The following TBC1D15 variants were observed in gnomAD, a reference collection of about 807,000 sequenced individuals.
The protein encoded by TBC1D15 is GAP for RAB7.
In TBC1D15, 39 loss-of-function variants were observed where a neutral mutation model predicts 95.4. The observed-to-expected ratio is 0.41, with a 90% CI of 0.32 to 0.53. The LOEUF is 0.53. Among genes scored for constraint, TBC1D15 ranks in the 20% least tolerant of loss-of-function variants. The pLI is 0.29. For synonymous variants in TBC1D15, 258 were observed against 261.3 expected, an observed-to-expected ratio of 0.99 and a Z score of 0.12; for missense variants, 733 against 794.3, an observed-to-expected ratio of 0.92 and a Z score of 0.93.
At chr12:71,874,733 A>G (rs1384082729) in intron 3 of TBC1D15, among the ~76,000 whole-genome samples, 2 of 145,980 alleles carry the variant, frequency 1.4e-5, no homozygotes, top group African/African-American at 5.1e-5. Context: ...AACAATTCTC[A>G]TGCCTCAGCC....
chr12:71,921,231 G>A (rs1036401517), intron 15 of TBC1D15, 137 bp from the exon 16 acceptor site: 4 of 434,132 alleles, frequency 9.2e-6, no homozygotes, highest in East Asian at 3.5e-5. Context: ...AATTTCTTAC[G>A]TATTTGTAGT....
At chr12:71,901,145 C>T (rs983308218) in intron 10 of TBC1D15, among the ~76,000 whole-genome samples, 1 of 152,112 alleles carries the variant, frequency 6.6e-6, no homozygotes, top group Admixed American at 6.5e-5. Flanking sequence ...CTCAGCCTCC[C>T]AAGTAGCTGG....
chr12:71,852,729 T>TGCTAAGACATAGCAAAAGTGACTTTTA (rs1888131935), intron 1 of TBC1D15, among the ~76,000 whole-genome samples: 2 of 152,188 alleles, frequency 1.3e-5, no homozygotes, highest in Non-Finnish European at 2.9e-5. Flanking sequence ...CCAGGCTGTT[T>TGCTAAGACATAGCAAAAGTGACTTTTA]GCTAAGACAT....
chr12:71,923,245 AC>A lies in TBC1D15; in HGVS notation c.*44del. On this transcript the variant is annotated 3_prime_UTR_variant, in exon 17 of 17. Coordinates refer to ENST00000485960, the MANE Select transcript of TBC1D15 (RefSeq NM_001146213.3). Reference sequence around the variant, plus strand: ...TTTTGGGAAGAGACACTTTGTTGCAACCCTTTTTCAAGTACTTGAAAGTTGA... The same window carrying A: ...TTTTGGGAAGAGACACTTTGTTGCAACCTTTTTCAAGTACTTGAAAGTTGA... 1.3e-6 allele frequency: 2 copies of A among 1,593,108 alleles called. No homozygotes were observed. The highest frequency in any genetic ancestry group is 1.7e-6 in the Non-Finnish European group (2 of 1,163,520).
chr12:71,896,832 A>G (rs771139316), intron 9 of TBC1D15, 52 bp downstream of exon 9: 5 of 1,427,300 alleles, frequency 3.5e-6, no homozygotes, highest in Non-Finnish European at 3.9e-6. Context: ...TAACCCACTC[A>G]TACAAATTAG....
At chr12:71,900,726 CAT>C (rs1899190205) in intron 10 of TBC1D15, among the ~76,000 whole-genome samples, 1 of 152,018 alleles carries the variant, frequency 6.6e-6, no homozygotes, top group Non-Finnish European at 1.5e-5. Context: ...AAGTAAGTAA[CAT>C]ATGTGGTATG....
chr12:71,876,960 G>A (rs1311983885), intron 3 of TBC1D15, among the ~76,000 whole-genome samples: 1 of 151,658 alleles, frequency 6.6e-6, no homozygotes, highest in East Asian at 1.9e-4. Context: ...ACAGGTGTGC[G>A]CCACCACACC....
In TBC1D15 at chr12:71,893,227, C is replaced by T; in HGVS notation, c.560C>T (p.Pro187Leu). 3.1e-6 allele frequency: 5 copies of T among 1,595,814 alleles called. No individual in the cohort carries two copies. The highest frequency in any genetic ancestry group is 4.3e-6 in the Non-Finnish European group (5 of 1,170,808). ...AATCCTCTTTTTTATTATAGATCTCCACAGGATAAAAGAACACTTCTTGTG... is the reference window on the plus strand; with the variant it reads ...AATCCTCTTTTTTATTATAGATCTCTACAGGATAAAAGAACACTTCTTGTG... ...LEKYVVLCESPQDKRTLLVNC... is the reference protein window; with the variant it reads ...LEKYVVLCESLQDKRTLLVNC... The change falls in exon 6 of 17, where the codon CCA becomes CTA. Residue 187 changes from proline (P) to leucine (L), a missense_variant. By Grantham distance (98) the Pro-to-Leu change is moderately conservative (BLOSUM62 -3). Coordinates refer to ENST00000485960, the MANE Select transcript of TBC1D15 (RefSeq NM_001146213.3).
rs2138718035 is a variant in TBC1D15 at position 71,896,227 on chromosome 12, T to C, written c.984+152T>C. ...AGGGAGGAATGAACTCTGTTATTTCTTTGATGAATGATGCCTTAAAATTCC... is the reference window on the plus strand; with the variant it reads ...AGGGAGGAATGAACTCTGTTATTTCCTTGATGAATGATGCCTTAAAATTCC... On this transcript the variant is annotated intron_variant, in intron 8 of 16. Transcript: ENST00000485960. 5.9e-6 allele frequency: 4 copies of C among 679,608 alleles called. No homozygotes were observed. In the East Asian group the frequency reaches 1.1e-4, roughly 19 times the overall value. The allele number at this position is 679,608 out of a possible 1,614,324, so 42.1% of individuals were successfully genotyped here. A position where few individuals can be genotyped will look rare whatever the true frequency, so the allele number is the denominator to read the frequency against.
At chr12:71,922,808 G>C (rs1055228461) in intron 16 of TBC1D15, among the ~76,000 whole-genome samples, 175 bp from the exon 17 acceptor site, 1 of 152,190 alleles carries the variant, frequency 6.6e-6, no homozygotes, top group East Asian at 1.9e-4. Context: ...GCGAAAGGTG[G>C]TTAGCATTTC....
chr12:71,919,231 G>C (rs1003376431), intron 14 of TBC1D15, among the ~76,000 whole-genome samples: 30 of 148,842 alleles, frequency 2.0e-4, no homozygotes, highest in African/African-American at 7.2e-4. Context: ...AAAGAGAAGG[G>C]GTCTTGCTAT....
At chr12:71,909,351 C>A (rs958837181) in intron 11 of TBC1D15, among the ~76,000 whole-genome samples, 3 of 152,138 alleles carry the variant, frequency 2.0e-5, no homozygotes, top group Non-Finnish European at 4.4e-5. Context: ...GGCTTCTTAA[C>A]CCATAGGTGA....
intron 8 of TBC1D15, chr12:71,896,287 G>C (rs1341381507): frequency 2.2e-6 from 1 of 447,062 alleles, no homozygotes. Flanking sequence ...TGCTTATGAT[G>C]TTCCTGGGGG....
At chr12:71,922,906 T>C (rs930048364) in intron 16 of TBC1D15, 77 bp from the exon 17 acceptor site, 5 of 1,348,746 alleles carry the variant, frequency 3.7e-6, no homozygotes, top group Admixed American at 1.9e-5. Flanking sequence ...CAATGTAGTC[T>C]TAAACAGAAG....
chr12:71,873,512 A>G (rs781060183), intron 3 of TBC1D15, among the ~76,000 whole-genome samples: 1 of 152,158 alleles, frequency 6.6e-6, no homozygotes, highest in Non-Finnish European at 1.5e-5. Context: ...TGGGGCTAAT[A>G]TATATAATGC....
intron 14 of TBC1D15, 43 bp downstream of exon 14, chr12:71,918,591 AAAG>A: frequency 7.9e-7 from 1 of 1,270,814 alleles, no homozygotes; most frequent in Non-Finnish European, 1.1e-6. Context: ...TTTATTATGA[AAAG>A]AAACAATTTA....
intron 10 of TBC1D15, among the ~76,000 whole-genome samples, chr12:71,904,766 A>G (rs759462155): frequency 1.2e-4 from 18 of 152,224 alleles, no homozygotes; most frequent in South Asian, 4.1e-4. Context: ...TTTTCTCAGA[A>G]ATAGGAAGCA....
At chr12:71,860,575 A>G (rs1316441055) in intron 1 of TBC1D15, among the ~76,000 whole-genome samples, 13 of 152,124 alleles carry the variant, frequency 8.5e-5, no homozygotes, top group Non-Finnish European at 8.8e-5. Context: ...AAATACTACT[A>G]ATTTTTGTTC....
intron 3 of TBC1D15, among the ~76,000 whole-genome samples, chr12:71,876,408 A>G (rs1242884941): frequency 6.6e-6 from 1 of 152,182 alleles, no homozygotes; most frequent in Non-Finnish European, 1.5e-5. Flanking sequence ...TCAGTTGTCT[A>G]CATTTCTTCT....
Sources: gnomAD v4.1 joint callset for allele counts (sites outside exome capture counted in the v4.1 genomes callset) on GRCh38, gnomAD v4.1.1 for gene constraint, MANE v1.5 for transcripts, NCBI Gene and HGNC (gene_info 2026-07-23, HGNC 2026-07-21) for gene names.